PAPPA: variants seen among roughly 807,000 people sequenced by gnomAD.
PAPPA encodes pappalysin-1.
Under a neutral mutation model 164.0 loss-of-function variants are expected in PAPPA, and 60 were observed. That is an observed-to-expected ratio of 0.37 (90% confidence interval 0.30 to 0.45). PAPPA has a LOEUF of 0.45. Ranked by LOEUF, PAPPA falls within the 20% of genes least tolerant of loss-of-function variation. The pLI, the probability that PAPPA is intolerant of heterozygous loss-of-function variation, is 1.00. For synonymous variants in PAPPA, 875 were observed against 814.1 expected (o/e 1.07, Z -1.27); for missense variants, 1,782 against 2,087.3 (o/e 0.85, Z 2.85).
At chr9:116,327,366 A>G (rs1274355968) in intron 10 of PAPPA, among the ~76,000 whole-genome samples, 1 of 152,078 alleles carries the variant, frequency 6.6e-6, no homozygotes, top group Non-Finnish European at 1.5e-5. Context: ...GGGAAGGGGG[A>G]AAAGGTTAAG....
chr9:116,188,014 C>A lies in PAPPA; in HGVS notation c.1276C>A (p.Pro426Thr), dbSNP rs532944342. ...ISKIGDENCD[P>T]ECNHTLTGHD... Reference sequence around the variant, plus strand: ...CAAGATTGGGGATGAGAACTGTGACCCCGAGTGCAACCACACGCTGACGGG... The same window carrying A: ...CAAGATTGGGGATGAGAACTGTGACACCGAGTGCAACCACACGCTGACGGG... The change falls in exon 2 of 22, where the codon CCC (proline) becomes ACC (threonine). Residue 426 changes from proline to threonine, a missense_variant. Around this residue, in one of 2 missense-constraint regions of PAPPA, gnomAD observed 1,324 missense variants for 1,656.9 expected, o/e 0.80. Transcript: ENST00000328252. 5.6e-6 allele frequency: 9 copies of A among 1,614,078 alleles called. No individual in the cohort carries two copies.
chr9:116,374,383 C>G (rs1564246909), intron 19 of PAPPA, among the ~76,000 whole-genome samples: 1 of 152,178 alleles, frequency 6.6e-6, no homozygotes, highest in Non-Finnish European at 1.5e-5. Context: ...AGGCTGACAT[C>G]TGAGGGGCCC....
chr9:116,164,845 G>T (rs1210261733), intron 1 of PAPPA, among the ~76,000 whole-genome samples: 1 of 152,158 alleles, frequency 6.6e-6, no homozygotes, highest in Non-Finnish European at 1.5e-5. Context: ...CACCCAGGCA[G>T]AAAACATAAA....
At chr9:116,384,851 A>G (rs1049482746) in intron 21 of PAPPA, among the ~76,000 whole-genome samples, 2 of 152,200 alleles carry the variant, frequency 1.3e-5, no homozygotes, top group Non-Finnish European at 2.9e-5. Flanking sequence ...AGAAGTTTTT[A>G]CAGAATTATG....
intron 14 of PAPPA, among the ~76,000 whole-genome samples, chr9:116,345,236 A>G (rs1246993893): frequency 6.6e-6 from 1 of 152,168 alleles, no homozygotes; most frequent in East Asian, 1.9e-4. Context: ...CTCATTAATG[A>G]TGACCCCACT....
intron 4 of PAPPA, 66 bp from the exon 5 acceptor site, chr9:116,219,871 A>G (rs1844420710): frequency 2.2e-6 from 3 of 1,369,150 alleles, no homozygotes; most frequent in Non-Finnish European, 2.0e-6. Context: ...AGGAGCCGTC[A>G]TTACTCTCTC....
chr9:116,247,382 T>A (rs768199955), intron 7 of PAPPA, among the ~76,000 whole-genome samples: 14 of 152,230 alleles, frequency 9.2e-5, no homozygotes, highest in Non-Finnish European at 1.5e-4. Context: ...TGTAGTCTAT[T>A]CTGACATTGT....
intron 1 of PAPPA, among the ~76,000 whole-genome samples, chr9:116,179,130 G>A (rs1843870954): frequency 6.6e-6 from 1 of 152,280 alleles, no homozygotes; most frequent in South Asian, 2.1e-4. Context: ...AAGTATACAG[G>A]ATAAGATTCT....
intron 10 of PAPPA, among the ~76,000 whole-genome samples, chr9:116,303,989 A>G (rs1845612690): frequency 6.6e-6 from 1 of 152,204 alleles, no homozygotes; most frequent in South Asian, 2.1e-4. Context: ...AGGAGAGTGG[A>G]AACAAATGGT....
chr9:116,190,195 C>T (rs754053681), intron 2 of PAPPA, among the ~76,000 whole-genome samples: 1 of 152,172 alleles, frequency 6.6e-6, no homozygotes, highest in Non-Finnish European at 1.5e-5. Context: ...GGCTAAATCA[C>T]AAGTGCAAGT....
intron 9 of PAPPA, among the ~76,000 whole-genome samples, chr9:116,295,327 G>A (rs1845490988): frequency 6.6e-6 from 1 of 152,116 alleles, no homozygotes; most frequent in Non-Finnish European, 1.5e-5. Flanking sequence ...TGAACGGGGG[G>A]TGGATCACCT....
chr9:116,292,480 G>T (rs993272566), intron 9 of PAPPA, among the ~76,000 whole-genome samples: 3 of 152,166 alleles, frequency 2.0e-5, no homozygotes, highest in African/African-American at 4.8e-5. Context: ...ACTTTGTGTG[G>T]TGTTAAAGGG....
chr9:116,355,612 A>G (rs1846343664), intron 17 of PAPPA, among the ~76,000 whole-genome samples: 1 of 152,174 alleles, frequency 6.6e-6, no homozygotes, highest in African/African-American at 2.4e-5. Flanking sequence ...TCCCTTACAT[A>G]AAACTGTTGC....
intron 13 of PAPPA, among the ~76,000 whole-genome samples, chr9:116,341,161 C>T (rs1334603037): frequency 2.6e-5 from 4 of 151,936 alleles, no homozygotes; most frequent in Non-Finnish European, 5.9e-5. Context: ...GTGCTTCAGC[C>T]TCCCAAGTAG....
intron 9 of PAPPA, among the ~76,000 whole-genome samples, chr9:116,276,358 A>C (rs1022798023): frequency 7.2e-5 from 11 of 152,210 alleles, no homozygotes; most frequent in African/African-American, 2.4e-4. Context: ...AGTGCATTAC[A>C]GGAGATGCAG....
chr9:116,321,220 G>C (rs1024080727), intron 10 of PAPPA, among the ~76,000 whole-genome samples: 1 of 151,818 alleles, frequency 6.6e-6, no homozygotes, highest in South Asian at 2.1e-4. Context: ...GTAGAGACAG[G>C]GTTTCACCGT....
At chr9:116,245,653 G>A (rs1844788297) in intron 7 of PAPPA, among the ~76,000 whole-genome samples, 1 of 152,070 alleles carries the variant, frequency 6.6e-6, no homozygotes, top group Non-Finnish European at 1.5e-5. Context: ...CTGGAATGAG[G>A]GAAACGTTAT....
At chr9:116,343,745 A>T (rs1050792119) in intron 13 of PAPPA, among the ~76,000 whole-genome samples, 28 of 148,292 alleles carry the variant, frequency 1.9e-4, no homozygotes, top group African/African-American at 6.9e-4. Context: ...ACTTATTTTT[A>T]TTTATTTATT....
At chr9:116,173,263 A>G (rs1250973421) in intron 1 of PAPPA, among the ~76,000 whole-genome samples, 1 of 152,196 alleles carries the variant, frequency 6.6e-6, no homozygotes, top group Admixed American at 6.5e-5. Context: ...AGATGTCAAA[A>G]CAATAGAAAT....
Sources: gnomAD v4.1 joint callset for allele counts (sites outside exome capture counted in the v4.1 genomes callset) on GRCh38, gnomAD v4.1.1 for gene constraint, gnomAD v4.1.1 regional missense constraint, MANE v1.5 for transcripts, NCBI Gene and HGNC (gene_info 2026-07-23, HGNC 2026-07-21) for gene names.